Variants in AVPI1 observed in about 807,000 individuals in gnomAD.
AVPI1 encodes arginine vasopressin-induced protein 1.
AVPI1 carries 9 observed loss-of-function variants against 11.9 expected under a neutral mutation model. That is an observed-to-expected ratio of 0.76 (90% CI 0.46 to 1.32). The LOEUF is 1.32. Ranked by LOEUF, AVPI1 falls within the 40% of genes most tolerant of loss-of-function variation. AVPI1 has a pLI of 0.00. For synonymous variants in AVPI1, 68 were observed against 78.1 expected (o/e 0.87, Z 0.68); for missense variants, 207 against 195.8 (o/e 1.06, Z -0.34).
intron 1 of AVPI1, among the ~76,000 whole-genome samples, chr10:97,681,740 C>A (rs1183311682): frequency 7.1e-6 from 1 of 140,928 alleles, no homozygotes; most frequent in African/African-American, 2.6e-5. Flanking sequence ...TAGCCGGGCG[C>A]GGTGGCGGGC....
chr10:97,678,148 G>A (rs2041676718), intron 2 of AVPI1, 123 bp from the exon 3 acceptor site: 4 of 1,079,746 alleles, frequency 3.7e-6, no homozygotes, highest in Non-Finnish European at 5.3e-6. Flanking sequence ...GCGGGGCTCT[G>A]CTCTGGTCTT....
chr10:97,678,970 T>A (rs1589942655), intron 2 of AVPI1, among the ~76,000 whole-genome samples: 10 of 85,658 alleles, frequency 1.2e-4, no homozygotes, highest in East Asian at 9.0e-4. Context: ...TGTGTGTGTG[T>A]GTGTGTGTGT....
rs756158266 is a variant in AVPI1 at position 97,678,037 on chromosome 10, AAGTGTATGATT to A, written c.288-23_288-13del. The A allele has an allele frequency of 1.3e-5, 21 of 1,612,050 alleles. No individual in the cohort carries two copies. Among genetic ancestry groups the A allele is most frequent in the Non-Finnish European group, 1.7e-5 (20 of 1,178,868 alleles). On this transcript the variant is annotated splice_polypyrimidine_tract_variant and intron_variant, in intron 2 of 2. Transcript: ENST00000370626. ...GGGGCTCCAGGATTCTGCAGAGAAC[AAGTGTATGATT>A]AGCCAACATCAATAGGAAGAATGGA... is the stretch of plus-strand genomic sequence containing the variant.
At chr10:97,686,020 C>A (rs118127385) in intron 1 of AVPI1, among the ~76,000 whole-genome samples, 1 of 152,164 alleles carries the variant, frequency 6.6e-6, no homozygotes, top group Non-Finnish European at 1.5e-5. Context: ...TGGTGGCTCA[C>A]GCCTGTAATC....
At chr10:97,678,052 C>T (rs1488333139) in intron 2 of AVPI1, 27 bp from the exon 3 acceptor site, 1 of 1,603,610 alleles carries the variant, frequency 6.2e-7, no homozygotes, top group South Asian at 1.1e-5. Flanking sequence ...TATGATTAGC[C>T]AACATCAATA....
intron 1 of AVPI1, 86 bp from the exon 2 acceptor site, chr10:97,680,001 G>A: frequency 7.8e-7 from 1 of 1,278,156 alleles, no homozygotes; most frequent in Non-Finnish European, 1.0e-6. Context: ...GGCTTCTGAT[G>A]TTTCCATTCT....
In AVPI1 at chr10:97,679,730, C is replaced by G; in HGVS notation, c.176G>C (p.Trp59Ser). ...CACACGGTGGTCCCCTGCACATTCC[C>G]AGATGATCTGTGCCCGTTCCTCGGC... ...QLAEERAQII[W>S]ECAGDHRVAE... is the part of the protein sequence containing the mutation. Residue 59 changes from tryptophan (W) to serine (S), a missense_variant, in exon 2 of 3, where the codon TGG (tryptophan) becomes TCG (serine). Trp to Ser is a radical substitution (Grantham distance 177, BLOSUM62 -3). Coordinates refer to ENST00000370626, the MANE Select transcript of AVPI1 (RefSeq NM_021732.3). 6.2e-7 allele frequency: 1 copy of G among 1,614,116 alleles called. No individual in the cohort carries two copies. The highest frequency in any genetic ancestry group is 8.5e-7 in the Non-Finnish European group (1 of 1,180,022).
chr10:97,677,884 G>A lies in AVPI1; in HGVS notation c.429C>T (p.His143=). The change falls in exon 3 of 3, where the codon CAC becomes CAT. Residue 143 remains histidine (H), a synonymous_variant. Coordinates refer to ENST00000370626, the MANE Select transcript of AVPI1 (RefSeq NM_021732.3). ...TTTCCCTGGATCAGTGTCTGATCTG[G>A]TGGAGGTAGCTTGTGGGGCCTGACT... is the stretch of plus-strand genomic sequence containing the variant. The part of the protein sequence containing the change: ...WRKSGPTSYL[H]QIRH 6.2e-7 allele frequency: 1 copy of A among 1,614,172 alleles called. No individual in the cohort carries two copies. The highest frequency in any genetic ancestry group is 8.5e-7 in the Non-Finnish European group (1 of 1,180,012).
chr10:97,680,048 A>G lies in AVPI1; in HGVS notation c.-10-133T>C, dbSNP rs571292333. ...ACTGGAGGAAGTCTCCTGCCTTAAA[A>G]TCACTTAAGCACTTATGTGTCAGAC... On this transcript the variant is annotated intron_variant, in intron 1 of 2. Transcript: ENST00000370626. The G allele has an allele frequency of 1.1e-5, 10 of 878,138 alleles. No individual in the cohort carries two copies. In the South Asian group the frequency reaches 1.8e-4, roughly 16 times the overall value. The allele number at this position is 878,138 out of a possible 1,614,324, so 54.4% of individuals were successfully genotyped here. A position where few individuals can be genotyped will look rare whatever the true frequency, so the allele number is the denominator to read the frequency against.
In AVPI1 at chr10:97,679,869, G is replaced by C; in HGVS notation, c.37C>G (p.Pro13Ala). 1 of 1,596,242 alleles carries C rather than the reference G, an allele frequency of 6.3e-7. No homozygotes were observed. Among genetic ancestry groups the C allele is most frequent in the Non-Finnish European group, 8.5e-7 (1 of 1,174,378 alleles). Residue 13 changes from proline (P) to alanine (A), a missense_variant, in exon 2 of 3, where the codon CCT becomes GCT. By Grantham distance (27) the Pro-to-Ala change is conservative. Coordinates refer to ENST00000370626, the MANE Select transcript of AVPI1 (RefSeq NM_021732.3). ...TPASVVSEPP[P>A]WQAPIEARGR... is the part of the protein sequence containing the mutation. Reference sequence around the variant, plus strand: ...CGGGCCTCAATCGGGGCCTGCCAAGGGGGTGGCTCACTGACCACCGAGGCT... The same window carrying C: ...CGGGCCTCAATCGGGGCCTGCCAAGCGGGTGGCTCACTGACCACCGAGGCT...
At chr10:97,682,505 T>C (rs7072085) in intron 1 of AVPI1, among the ~76,000 whole-genome samples, 38,460 of 152,158 alleles carry the variant, frequency 0.25, 5,431 homozygotes, top group East Asian at 0.39. Context: ...CAATTTCCTA[T>C]CAACCCACTT....
rs553465292 is a variant in AVPI1 at position 97,678,834 on chromosome 10, C to G, written c.287+785G>C. On this transcript the variant is annotated intron_variant, in intron 2 of 2. Coordinates refer to ENST00000370626, the MANE Select transcript of AVPI1 (RefSeq NM_021732.3). ...CCTGGAGTAGCTGGGACCGCAGGTG[C>G]ATGCCACCATGCCTGGCTAATTTCT... Among the ~76,000 whole-genome samples the G allele has an allele frequency of 8.7e-5, 13 of 149,872 alleles. No individual in the cohort carries two copies. In the East Asian group the frequency reaches 2.6e-3, roughly 30 times the overall value.
intron 2 of AVPI1, among the ~76,000 whole-genome samples, chr10:97,678,999 G>GTGTGTGTGTGTGTGTGTGTGTT (rs2041686775): frequency 7.0e-6 from 1 of 142,274 alleles, no homozygotes; most frequent in East Asian, 2.1e-4. Context: ...GTGTGTGTGT[G>GTGTGTGTGTGTGTGTGTGTGTT]TTTTCAGAGA....
chr10:97,679,499 C>T, intron 2 of AVPI1, 120 bp downstream of exon 2: 1 of 1,268,788 alleles, frequency 7.9e-7, no homozygotes, highest in Non-Finnish European at 1.1e-6. Flanking sequence ...TTATAACCAC[C>T]CCAATGGTGG....
intron 2 of AVPI1, among the ~76,000 whole-genome samples, chr10:97,678,880 G>GGTGTGTGTGTGTGTGTGTGTGT (rs1255604041): frequency 8.8e-6 from 1 of 113,352 alleles, no homozygotes; most frequent in Non-Finnish European, 1.8e-5. Flanking sequence ...GCGGGGGGAG[G>GGTGTGTGTGTGTGTGTGTGTGT]GTGTGTGTGT....
chr10:97,681,871 C>T (rs1215235095), intron 1 of AVPI1, among the ~76,000 whole-genome samples: 1 of 126,166 alleles, frequency 7.9e-6, no homozygotes, highest in Admixed American at 9.9e-5. Context: ...GGCGACAGAG[C>T]GAGACTCCGT....
intron 1 of AVPI1, among the ~76,000 whole-genome samples, chr10:97,680,456 C>A (rs2041698135): frequency 6.6e-6 from 1 of 152,128 alleles, no homozygotes; most frequent in African/African-American, 2.4e-5. Context: ...GGATGAGAAC[C>A]CAGGCCTCTC....
At chr10:97,682,045 C>T (rs527811703) in intron 1 of AVPI1, among the ~76,000 whole-genome samples, 4 of 152,276 alleles carry the variant, frequency 2.6e-5, no homozygotes, top group South Asian at 2.1e-4. Context: ...GGAGGATGTG[C>T]GCAGTCTATA....
Position 97,679,921 on chromosome 10 carries a change from G to A in AVPI1, c.-10-6C>T, listed in dbSNP as rs1299252440. The A allele has an allele frequency of 7.8e-6, 12 of 1,546,742 alleles. No individual in the cohort carries two copies. The highest frequency in any genetic ancestry group is 1.0e-5 in the Non-Finnish European group (12 of 1,150,618). ...GGGTACCCATTGTGGATGCTCTGAG[G>A]ATGCAAAGCATGGAGACATCATCAA... On this transcript the variant is annotated splice_region_variant and splice_polypyrimidine_tract_variant and intron_variant, in intron 1 of 2. Coordinates refer to ENST00000370626, the MANE Select transcript of AVPI1 (RefSeq NM_021732.3).
Sources: gnomAD v4.1 joint callset for allele counts (sites outside exome capture counted in the v4.1 genomes callset) on GRCh38, gnomAD v4.1.1 for gene constraint, MANE v1.5 for transcripts, NCBI Gene and HGNC (gene_info 2026-07-23, HGNC 2026-07-21) for gene names.